Variants in MYO1E observed in about 807,000 individuals in gnomAD.
MYO1E encodes the protein unconventional myosin-Ie.
In MYO1E, 68 loss-of-function variants were observed where a neutral mutation model predicts 151.1. The observed-to-expected ratio is 0.45, with a 90% CI of 0.37 to 0.55. MYO1E has a LOEUF of 0.55. Among genes scored for constraint, MYO1E ranks in the 20% least tolerant of loss-of-function variants. The pLI is 0.00. For synonymous variants in MYO1E, 601 were observed against 501.7 expected (o/e 1.20, Z -2.64); for missense variants, 1,363 against 1,389.3 (o/e 0.98, Z 0.30).
chr15:59,215,131 T>C (rs554052363), intron 10 of MYO1E, among the ~76,000 whole-genome samples: 1 of 152,318 alleles, frequency 6.6e-6, no homozygotes, highest in East Asian at 1.9e-4. Context: ...CATTTAATGA[T>C]GACCCAACAC....
At chr15:59,307,198 G>C (rs1029363899) in intron 1 of MYO1E, among the ~76,000 whole-genome samples, 1 of 152,184 alleles carries the variant, frequency 6.6e-6, no homozygotes. Flanking sequence ...CTAAGTCCAA[G>C]GGGACATCAC....
chr15:59,222,180 C>T (rs1409223196), intron 9 of MYO1E, among the ~76,000 whole-genome samples: 1 of 152,094 alleles, frequency 6.6e-6, no homozygotes, highest in Non-Finnish European at 1.5e-5. Flanking sequence ...AAAAAAAGAA[C>T]CTTATTTGGA....
At chr15:59,188,315 G>T (rs1351319349) in intron 17 of MYO1E, 99 bp from the exon 18 acceptor site, 2 of 884,734 alleles carry the variant, frequency 2.3e-6, no homozygotes, top group African/African-American at 1.6e-5. Context: ...AAGCTGTAGG[G>T]AAACATATTC....
intron 17 of MYO1E, among the ~76,000 whole-genome samples, chr15:59,195,035 G>T (rs951388440): frequency 1.3e-5 from 2 of 151,860 alleles, no homozygotes; most frequent in African/African-American, 4.8e-5. Flanking sequence ...ATGCTGGATT[G>T]TATTTCCATC....
intron 16 of MYO1E, among the ~76,000 whole-genome samples, chr15:59,201,139 G>A (rs1389895017): frequency 2.7e-5 from 4 of 147,004 alleles, no homozygotes; most frequent in African/African-American, 1.0e-4. Flanking sequence ...ACAGGGTCTC[G>A]TTCTGTCCCC....
intron 1 of MYO1E, chr15:59,348,635 A>AT (rs779753764): frequency 0.058 from 8,162 of 140,416 alleles, 688 homozygotes; most frequent in African/African-American, 0.19. Flanking sequence ...GTTCAATATC[A>AT]TTTTTTTTTT....
intron 15 of MYO1E, among the ~76,000 whole-genome samples, chr15:59,203,888 T>G (rs2079817244): frequency 6.6e-6 from 1 of 152,180 alleles, no homozygotes; most frequent in Admixed American, 6.5e-5. Context: ...TCAAACTCAC[T>G]TCCTCCTCAA....
rs1432005043 is a variant in MYO1E, at chr15:59,357,366, A to G, written c.3+15132T>C. The stretch of plus-strand genomic sequence containing the variant: ...GATCAGAAGGAAAGACAAAATGCAC[A>G]TTAGCAATTATAAGATCTTTATAGA... On this transcript the variant is annotated intron_variant, in intron 1 of 27. Transcript: ENST00000288235. Among the ~76,000 whole-genome samples, 6 of 152,050 alleles carry G rather than the reference A, an allele frequency of 3.9e-5. 1 individual carries two copies. The highest frequency in any genetic ancestry group is 1.4e-4 in the African/African-American group (6 of 41,416).
chr15:59,277,609 A>G (rs1427864244), intron 1 of MYO1E, among the ~76,000 whole-genome samples: 1 of 151,596 alleles, frequency 6.6e-6, no homozygotes, highest in East Asian at 1.9e-4. Flanking sequence ...CAGCAACTGT[A>G]TTTTTTAGGA....
chr15:59,235,135 C>A (rs2080054641), intron 5 of MYO1E, among the ~76,000 whole-genome samples: 1 of 152,172 alleles, frequency 6.6e-6, no homozygotes, highest in Non-Finnish European at 1.5e-5. Context: ...CCCAACACTC[C>A]TTTACACTCT....
chr15:59,157,078 G>C (rs1158239968), intron 25 of MYO1E, among the ~76,000 whole-genome samples: 4 of 150,478 alleles, frequency 2.7e-5, no homozygotes, highest in Non-Finnish European at 3.0e-5. Flanking sequence ...AAAAAAAAAA[G>C]AGCCAGGTGT....
chr15:59,184,538 T>C (rs2079684332), intron 18 of MYO1E, among the ~76,000 whole-genome samples: 1 of 151,818 alleles, frequency 6.6e-6, no homozygotes, highest in Admixed American at 6.6e-5. Flanking sequence ...GTTTTGTATT[T>C]TTAGTAGAGA....
intron 1 of MYO1E, among the ~76,000 whole-genome samples, chr15:59,297,052 C>T (rs1183665038): frequency 1.0e-5 from 1 of 99,932 alleles, no homozygotes; most frequent in Non-Finnish European, 2.3e-5. Flanking sequence ...CAGAGTTTCA[C>T]TGTGTTAGCC....
chr15:59,254,033 A>G (rs1378134252), intron 4 of MYO1E, among the ~76,000 whole-genome samples: 1 of 152,016 alleles, frequency 6.6e-6, no homozygotes, highest in African/African-American at 2.4e-5. Context: ...ATAAAAATAA[A>G]CCAACTATAA....
intron 1 of MYO1E, among the ~76,000 whole-genome samples, chr15:59,309,935 A>C (rs1192354739): frequency 6.6e-6 from 1 of 152,068 alleles, no homozygotes. Flanking sequence ...CTCCCACTAC[A>C]TCAGATCTTA....
chr15:59,227,389 T>TGA, intron 7 of MYO1E, 70 bp downstream of exon 7: 2 of 1,588,686 alleles, frequency 1.3e-6, no homozygotes, highest in South Asian at 2.2e-5. Context: ...AGTCTATGCC[T>TGA]GAAGTCTGAG....
chr15:59,278,011 A>T (rs1486611399), intron 1 of MYO1E, among the ~76,000 whole-genome samples: 5 of 152,140 alleles, frequency 3.3e-5, no homozygotes, highest in Non-Finnish European at 5.9e-5. Context: ...GTGTTAGTAA[A>T]ATCTTAAAAT....
chr15:59,286,403 A>G (rs780363953), intron 1 of MYO1E, among the ~76,000 whole-genome samples: 4 of 152,236 alleles, frequency 2.6e-5, no homozygotes, highest in Non-Finnish European at 5.9e-5. Context: ...TAAAAGTTTT[A>G]TAAGGTTGAT....
intron 13 of MYO1E, among the ~76,000 whole-genome samples, chr15:59,210,134 C>T (rs2079869886): frequency 6.6e-6 from 1 of 152,048 alleles, no homozygotes; most frequent in South Asian, 2.1e-4. Flanking sequence ...TCCCAAAGTA[C>T]TGGGATTACA....
Sources: allele counts gnomAD v4.1 joint callset (sites outside exome capture counted in the v4.1 genomes callset), GRCh38; gene constraint gnomAD v4.1.1; transcripts MANE v1.5; gene names NCBI Gene and HGNC (gene_info 2026-07-23, HGNC 2026-07-21).